Variants in SRPK1 observed in about 807,000 individuals in gnomAD.
SRPK1 encodes SRSF protein kinase 1.
A neutral mutation model predicts 89.5 loss-of-function variants in SRPK1; 52 were observed. The ratio of observed to expected loss-of-function variants is 0.58; its 90% CI spans 0.46 to 0.73. The LOEUF (loss-of-function observed/expected upper bound fraction) is 0.73, where lower values mean the gene tolerates loss of function less well. SRPK1 is among the 30% of genes least tolerant of loss of function. The pLI is 0.00. For synonymous variants in SRPK1, 255 were observed against 270.2 expected (o/e 0.94, Z 0.55); for missense variants, 603 against 780.6 (o/e 0.77, Z 2.71).
chr6:35,879,577 AAACCTT>A (rs1238686361), intron 6 of SRPK1, among the ~76,000 whole-genome samples: 1 of 152,172 alleles, frequency 6.6e-6, no homozygotes, highest in Non-Finnish European at 1.5e-5. Flanking sequence ...AAACCCCATC[AAACCTT>A]AGGGATATGG....
chr6:35,875,938 T>A (rs1770146137), intron 6 of SRPK1, among the ~76,000 whole-genome samples: 1 of 152,212 alleles, frequency 6.6e-6, no homozygotes. Context: ...TAATGCAATA[T>A]ACTAATATGC....
chr6:35,875,009 T>C (rs890482173), intron 6 of SRPK1, among the ~76,000 whole-genome samples: 10 of 152,184 alleles, frequency 6.6e-5, no homozygotes, highest in Non-Finnish European at 4.4e-5. Context: ...TATCTTGATG[T>C]CTTCCACCCC....
chr6:35,920,407 C>A, intron 2 of SRPK1, 61 bp downstream of exon 2: 1 of 1,589,092 alleles, frequency 6.3e-7, no homozygotes, highest in African/African-American at 1.3e-5. Context: ...GACGTGAAAC[C>A]AGAGCAGAGA....
chr6:35,862,197 T>C (rs1235430997), intron 12 of SRPK1, among the ~76,000 whole-genome samples: 3 of 151,954 alleles, frequency 2.0e-5, no homozygotes, highest in African/African-American at 7.3e-5. Context: ...AACCTGCCCA[T>C]ATACCCAGTC....
chr6:35,881,470 T>C (rs1770289421), intron 6 of SRPK1, among the ~76,000 whole-genome samples: 2 of 128,592 alleles, frequency 1.6e-5, no homozygotes, highest in South Asian at 5.5e-4. Flanking sequence ...TAGATATAGA[T>C]ATAGATATAG....
rs1464682702 is a variant in SRPK1, at chr6:35,869,526, T to G, written c.1367A>C (p.Glu456Ala). 2 of 1,613,890 alleles carry G rather than the reference T, an allele frequency of 1.2e-6. No homozygotes were observed. Among genetic ancestry groups the G allele is most frequent in the Non-Finnish European group, 1.7e-6 (2 of 1,179,890 alleles). Residue 456 changes from glutamate to alanine, a missense_variant, in exon 11 of 16, where the codon GAA becomes GCA. By Grantham distance (107) the Glu-to-Ala change is moderately radical (BLOSUM62 -1). Coordinates refer to ENST00000373825, the MANE Select transcript of SRPK1 (RefSeq NM_003137.5). ...QESIRAEIPC[E>A]DEQEQEHNGP... ...GTTATGTTCTTGCTCTTGTTCATCT[T>G]CACAGGGTATCTCTGCCCGAATGCT...
At chr6:35,914,910 T>C (rs546524204) in intron 2 of SRPK1, among the ~76,000 whole-genome samples, 132 of 152,204 alleles carry the variant, frequency 8.7e-4, no homozygotes, top group African/African-American at 2.8e-3. Context: ...GCGATTCTCC[T>C]GCCTCAGCCT....
At chr6:35,912,246 G>C (rs1770986078) in intron 2 of SRPK1, among the ~76,000 whole-genome samples, 1 of 152,186 alleles carries the variant, frequency 6.6e-6, no homozygotes, top group Admixed American at 6.5e-5. Flanking sequence ...AGCTACTTGG[G>C]AGACTGATGC....
chr6:35,872,212 A>C (rs1248279092), intron 8 of SRPK1, among the ~76,000 whole-genome samples: 1 of 152,242 alleles, frequency 6.6e-6, no homozygotes, highest in South Asian at 2.1e-4. Flanking sequence ...GTTTAAACCT[A>C]AACTATTAAT....
chr6:35,920,213 G>A (rs537254687), intron 2 of SRPK1: 28 of 589,486 alleles, frequency 4.7e-5, no homozygotes, highest in Middle Eastern at 2.6e-4. Context: ...GGGAGGAAAG[G>A]TACCGGGCGG....
rs376115016 is a variant in SRPK1 at position 35,916,984 on chromosome 6, C to T, written c.74+3484G>A. ...CTGAGGCAGGAGAATGGCTTGAGCCCGGGAGGCAGAGGTTGCAGTGAGCTG... is the reference window on the plus strand; with the variant it reads ...CTGAGGCAGGAGAATGGCTTGAGCCTGGGAGGCAGAGGTTGCAGTGAGCTG... On this transcript the variant is annotated intron_variant, in intron 2 of 15. Coordinates refer to ENST00000373825, the MANE Select transcript of SRPK1 (RefSeq NM_003137.5). Among the ~76,000 whole-genome samples the T allele has an allele frequency of 1.1e-4, 16 of 152,182 alleles. No individual in the cohort carries two copies. In the South Asian group the frequency reaches 1.5e-3, roughly 14 times the overall value.
intron 2 of SRPK1, among the ~76,000 whole-genome samples, chr6:35,899,873 C>T (rs1305824814): frequency 1.3e-5 from 2 of 151,898 alleles, no homozygotes; most frequent in East Asian, 3.9e-4. Flanking sequence ...TGGTAGCGGG[C>T]ACCTGTAACC....
intron 6 of SRPK1, among the ~76,000 whole-genome samples, chr6:35,882,764 T>G (rs899249459): frequency 5.9e-5 from 9 of 152,130 alleles, no homozygotes; most frequent in Non-Finnish European, 1.3e-4. Context: ...CATTAAACTA[T>G]TTCTACTTCT....
At chr6:35,907,273 T>C (rs1770867350) in intron 2 of SRPK1, among the ~76,000 whole-genome samples, 1 of 152,048 alleles carries the variant, frequency 6.6e-6, no homozygotes, top group Non-Finnish European at 1.5e-5. Flanking sequence ...TTAGGAAAAT[T>C]TGAACACAGA....
At chr6:35,905,039 C>A in intron 2 of SRPK1, 1 of 401,330 alleles carries the variant, frequency 2.5e-6, no homozygotes, top group South Asian at 1.8e-5. Flanking sequence ...CCTAGCTACT[C>A]CAGAGGCTGA....
chr6:35,835,597 T>C (rs553655679), intron 15 of SRPK1, 109 bp from the exon 16 acceptor site: 5 of 986,840 alleles, frequency 5.1e-6, no homozygotes, highest in Admixed American at 6.3e-5. Context: ...GAATCAAATT[T>C]TGCAATCAGA....
chr6:35,891,476 T>C (rs1303444984), intron 2 of SRPK1, among the ~76,000 whole-genome samples: 3 of 152,146 alleles, frequency 2.0e-5, no homozygotes, highest in African/African-American at 4.8e-5. Flanking sequence ...TCCCAGCACT[T>C]TGGGAGGCCG....
intron 6 of SRPK1, among the ~76,000 whole-genome samples, chr6:35,884,192 A>T (rs1162007990): frequency 2.6e-5 from 4 of 152,210 alleles, no homozygotes; most frequent in Non-Finnish European, 5.9e-5. Flanking sequence ...TGAAAAAAAA[A>T]GTATCCTAAA....
At chr6:35,865,967 A>G (rs1310123184) in intron 12 of SRPK1, among the ~76,000 whole-genome samples, 3 of 152,082 alleles carry the variant, frequency 2.0e-5, no homozygotes, top group Non-Finnish European at 4.4e-5. Flanking sequence ...AAACTATATG[A>G]CCCAACAGGG....
Sources: gnomAD v4.1 joint callset for allele counts (sites outside exome capture counted in the v4.1 genomes callset) on GRCh38, gnomAD v4.1.1 for gene constraint, MANE v1.5 for transcripts, NCBI Gene and HGNC (gene_info 2026-07-23, HGNC 2026-07-21) for gene names.